Variants in VPS39 observed in about 807,000 individuals in gnomAD.
VPS39 encodes the protein vam6/Vps39-like protein.
VPS39 carries 70 observed loss-of-function variants against 121.0 expected under a neutral mutation model. The ratio of observed to expected loss-of-function variants is 0.58; its 90% CI spans 0.48 to 0.71. VPS39 has a LOEUF of 0.71. Among genes scored for constraint, VPS39 ranks in the 30% least tolerant of loss-of-function variants. The pLI, the probability that VPS39 is intolerant of heterozygous loss-of-function variation, is 0.00. For synonymous variants in VPS39, 378 were observed against 398.1 expected, an observed-to-expected ratio of 0.95 and a Z score of 0.60; for missense variants, 818 against 1,051.5, an observed-to-expected ratio of 0.78 and a Z score of 3.07.
Position 42,174,693 on chromosome 15 carries a change from G to A in VPS39, c.961-841C>T, listed in dbSNP as rs537010781. 4.6e-5 allele frequency among the ~76,000 whole-genome samples: 7 copies of A among 152,296 alleles called. No homozygotes were observed. The Middle Eastern group carries it at 0.014, about 296-fold the overall frequency. On this transcript the variant is annotated intron_variant, in intron 10 of 24. Coordinates refer to ENST00000318006, the MANE Select transcript of VPS39 (RefSeq NM_015289.5). Reference sequence around the variant, plus strand: ...AACTGAGACATAACGGATGAGTTGGGCCAGGCACGGTGGCTCATGCCTGTA... The same window carrying A: ...AACTGAGACATAACGGATGAGTTGGACCAGGCACGGTGGCTCATGCCTGTA...
At chr15:42,179,699 C>T (rs916381750) in intron 8 of VPS39, among the ~76,000 whole-genome samples, 5 of 151,550 alleles carry the variant, frequency 3.3e-5, no homozygotes, top group Non-Finnish European at 5.9e-5. Flanking sequence ...TAAAATTACT[C>T]TAAGGGAAGA....
chr15:42,166,301 G>T, intron 15 of VPS39, 69 bp from the exon 16 acceptor site: 2 of 1,495,166 alleles, frequency 1.3e-6, no homozygotes, highest in Non-Finnish European at 9.3e-7. Flanking sequence ...AAGGCAGGTG[G>T]GCAGGTTGCC....
chr15:42,159,836 T>A lies in VPS39; in HGVS notation c.*918A>T, dbSNP rs921246021. ...GCCACGCACAAAGACTAAGCCAGCC[T>A]GCCTGAGTGTCTGGTGAGCGAAGAC... On this transcript the variant is annotated 3_prime_UTR_variant, in exon 25 of 25. Transcript: ENST00000318006. The A allele has an allele frequency of 6.6e-6, 1 of 152,366 alleles. No homozygotes were observed. The highest frequency in any genetic ancestry group is 2.4e-5 in the African/African-American group (1 of 41,478). 9.4% of individuals were successfully genotyped at this position (152,366 alleles called of 1,614,324 possible).
chr15:42,198,949 C>T (rs2050004381), intron 2 of VPS39, among the ~76,000 whole-genome samples: 3 of 152,054 alleles, frequency 2.0e-5, no homozygotes, highest in Non-Finnish European at 4.4e-5. Flanking sequence ...CTTTTCTTAC[C>T]CTGCTGCAGA....
At chr15:42,164,965 G>A (rs2049212524) in intron 18 of VPS39, 31 bp downstream of exon 18, 1 of 1,613,700 alleles carries the variant, frequency 6.2e-7, no homozygotes, top group Admixed American at 1.7e-5. Context: ...CTAAGGCCTG[G>A]GGCCAACCGG....
At chr15:42,166,030 G>A (rs1012289371) in intron 16 of VPS39, 129 bp downstream of exon 16, 2 of 1,088,526 alleles carry the variant, frequency 1.8e-6, no homozygotes, top group African/African-American at 3.1e-5. Flanking sequence ...GCGCTTCCCA[G>A]TCCACCCTTT....
intron 24 of VPS39, chr15:42,161,207 A>C (rs1485443755): frequency 3.2e-6 from 1 of 312,838 alleles, no homozygotes. Context: ...TTTCTAAAGA[A>C]AAATATTTTT....
intron 24 of VPS39, 89 bp from the exon 25 acceptor site, chr15:42,160,918 G>T: frequency 7.4e-7 from 1 of 1,356,650 alleles, no homozygotes; most frequent in South Asian, 1.2e-5. Flanking sequence ...GAGGCACATT[G>T]CTGGGGGGCC....
chr15:42,207,101 G>A (rs2050190082), intron 1 of VPS39, among the ~76,000 whole-genome samples: 1 of 152,166 alleles, frequency 6.6e-6, no homozygotes, highest in Admixed American at 6.5e-5. Flanking sequence ...TACAGAAGAA[G>A]TCATCAAGAA....
At chr15:42,163,859 T>C (rs2049189622) in intron 19 of VPS39, 131 bp from the exon 20 acceptor site, 1 of 651,402 alleles carries the variant, frequency 1.5e-6, no homozygotes, top group Admixed American at 3.3e-5. Context: ...CTTGGGTTTT[T>C]CTTCAAGGAG....
chr15:42,176,631 C>A (rs891905237), intron 10 of VPS39, among the ~76,000 whole-genome samples: 1 of 151,642 alleles, frequency 6.6e-6, no homozygotes, highest in Non-Finnish European at 1.5e-5. Flanking sequence ...AAATTCAGTG[C>A]TCTAAGAAAG....
chr15:42,199,792 T>C, intron 2 of VPS39, 104 bp downstream of exon 2: 1 of 1,312,162 alleles, frequency 7.6e-7, no homozygotes, highest in Non-Finnish European at 1.0e-6. Context: ...GTGCTCCCTC[T>C]AACCTTCAAT....
chr15:42,207,948 A>T, intron 1 of VPS39, 133 bp downstream of exon 1: 1 of 940,640 alleles, frequency 1.1e-6, no homozygotes, highest in South Asian at 1.6e-5. Context: ...GCCTTCTCTC[A>T]TCCTAAGCCC....
At chr15:42,191,447 G>A (rs750835922) in intron 3 of VPS39, 49 bp downstream of exon 3, 3 of 1,548,992 alleles carry the variant, frequency 1.9e-6, no homozygotes, top group Non-Finnish European at 2.7e-6. Flanking sequence ...AGTCTGACAG[G>A]GTCTCATGTA....
chr15:42,176,023 C>T (rs1366838430), intron 10 of VPS39, among the ~76,000 whole-genome samples: 1 of 152,098 alleles, frequency 6.6e-6, no homozygotes, highest in Non-Finnish European at 1.5e-5. Flanking sequence ...CTGAAAGTTC[C>T]ATTATGTTTG....
rs1299831166 is a variant in VPS39 at position 42,163,362 on chromosome 15, A to C, written c.2163T>G (p.Asp721Glu). 1.2e-6 allele frequency: 2 copies of C among 1,614,170 alleles called. No homozygotes were observed. Among genetic ancestry groups the C allele is most frequent in the Non-Finnish European group, 1.7e-6 (2 of 1,180,020 alleles). ...YCHKHYDRNKDGNKDVYLSLL... is the reference protein window; with the variant it reads ...YCHKHYDRNKEGNKDVYLSLL... ...GGTCACTACTCACATCTTTGTTGCC[A>C]TCTTTGTTTCGGTCATAGTGTTTGT... is the stretch of plus-strand genomic sequence containing the variant. Residue 721 changes from aspartate (D) to glutamate (E), a missense_variant, in exon 21 of 25, where the codon GAT (aspartate) becomes GAG (glutamate). Physicochemically the swap from Asp to Glu is conservative, Grantham distance 45. Coordinates refer to ENST00000318006, the MANE Select transcript of VPS39 (RefSeq NM_015289.5).
chr15:42,183,341 A>C (rs1039157525), intron 8 of VPS39, among the ~76,000 whole-genome samples: 2 of 151,902 alleles, frequency 1.3e-5, no homozygotes, highest in Non-Finnish European at 2.9e-5. Flanking sequence ...AGCTTAGGCA[A>C]TCTGCCTGCC....
At chr15:42,162,931 A>G (rs1337365125) in intron 21 of VPS39, among the ~76,000 whole-genome samples, 1 of 152,110 alleles carries the variant, frequency 6.6e-6, no homozygotes, top group Non-Finnish European at 1.5e-5. Flanking sequence ...TGTCCTGTGC[A>G]TTGTTTAGCA....
intron 10 of VPS39, among the ~76,000 whole-genome samples, chr15:42,174,639 G>A (rs2049412270): frequency 1.3e-5 from 2 of 152,102 alleles, no homozygotes; most frequent in Non-Finnish European, 2.9e-5. Flanking sequence ...CTGAGTCCGG[G>A]GTCCAGGATG....
Sources: allele counts gnomAD v4.1 joint callset (sites outside exome capture counted in the v4.1 genomes callset), GRCh38; gene constraint gnomAD v4.1.1; transcripts MANE v1.5; gene names NCBI Gene and HGNC (gene_info 2026-07-23, HGNC 2026-07-21).